Variants in ERCC6 observed in about 807,000 individuals in gnomAD.
ERCC6 encodes the protein DNA excision repair protein ERCC-6.
In ERCC6, 116 loss-of-function variants were observed where a neutral mutation model predicts 158.7. The observed-to-expected ratio is 0.73, with a 90% CI of 0.63 to 0.85. ERCC6 has a LOEUF of 0.85. Ranked by LOEUF, ERCC6 falls within the 40% of genes least tolerant of loss-of-function variation. The pLI, the probability that ERCC6 is intolerant of heterozygous loss-of-function variation, is 0.00. For synonymous variants in ERCC6, 678 were observed against 659.3 expected, an observed-to-expected ratio of 1.03 and a Z score of -0.43; for missense variants, 1,698 against 1,799.4, an observed-to-expected ratio of 0.94 and a Z score of 1.02.
chr10:49,504,201 TG>T (rs1298807234), intron 6 of ERCC6: 8 of 151,816 alleles, frequency 5.3e-5, no homozygotes. Context: ...AAAAGAAAAA[TG>T]GAGACTCTAT....
intron 10 of ERCC6, among the ~76,000 whole-genome samples, chr10:49,482,082 C>G (rs973586550): frequency 1.3e-5 from 2 of 152,210 alleles, no homozygotes; most frequent in South Asian, 2.1e-4. Context: ...GCTATGCCCC[C>G]ACAAGCATCT....
At chr10:49,491,106 T>C (rs1851167156) in intron 8 of ERCC6, among the ~76,000 whole-genome samples, 1 of 152,152 alleles carries the variant, frequency 6.6e-6, no homozygotes, top group African/African-American at 2.4e-5. Flanking sequence ...AGTAGTTGAA[T>C]CCAGAAACCA....
chr10:49,451,929 C>A (rs931760043), downstream of ERCC6, among the ~76,000 whole-genome samples: 17 of 152,122 alleles, frequency 1.1e-4, no homozygotes, highest in African/African-American at 4.1e-4. Flanking sequence ...TAGGTCTATT[C>A]AGATTGCCCA....
At chr10:49,459,343 T>G (rs1430006651) in intron 20 of ERCC6, 109 bp from the exon 21 acceptor site, 2 of 1,228,030 alleles carry the variant, frequency 1.6e-6, no homozygotes, top group Middle Eastern at 5.1e-4. Flanking sequence ...GCCAGGGTGG[T>G]GAGGTTGACA....
chr10:49,475,467 A>T, intron 12 of ERCC6: 1 of 438,054 alleles, frequency 2.3e-6, no homozygotes, highest in Non-Finnish European at 4.6e-6. Context: ...ATTCATGGAG[A>T]TGAATAGATG....
chr10:49,501,334 A>C (rs1851352124), intron 6 of ERCC6: 1 of 152,492 alleles, frequency 6.6e-6, no homozygotes, highest in Admixed American at 6.5e-5. Flanking sequence ...AAGACTCAAC[A>C]ATACAAAAGG....
chr10:49,532,840 T>G lies in ERCC6; in HGVS notation c.125A>C (p.Glu42Ala). The change falls in exon 2 of 21, where the codon GAG becomes GCG. Residue 42 changes from glutamate (E) to alanine (A), a missense_variant. Physicochemically the swap from Glu to Ala is moderately radical, Grantham distance 107 (BLOSUM62 -1). Transcript: ENST00000355832. Reference protein sequence around the residue: ...KQESGGDGEVEEYLSFRSVGD... With the variant: ...KQESGGDGEVAEYLSFRSVGD... The stretch of plus-strand genomic sequence containing the variant: ...CACAGAACGAAAGGAGAGGTACTCC[T>G]CCACCTCCCCATCACCACCACTTTC... 6.2e-7 allele frequency: 1 copy of G among 1,614,204 alleles called. No individual in the cohort carries two copies. Among genetic ancestry groups the G allele is most frequent in the East Asian group, 2.2e-5 (1 of 44,886 alleles).
chr10:49,470,163 A>G lies in ERCC6; in HGVS notation c.3778+19T>C. On this transcript the variant is annotated intron_variant, in intron 18 of 20. Coordinates refer to ENST00000355832, the MANE Select transcript of ERCC6 (RefSeq NM_000124.4). ...TTCTAATCCTAGCATCCCTGTGGCA[A>G]ACGTATCAAATGGATTACCTGATTT... 6.2e-7 allele frequency: 1 copy of G among 1,611,256 alleles called. No homozygotes were observed. The highest frequency in any genetic ancestry group is 1.1e-5 in the South Asian group (1 of 90,976).
intron 8 of ERCC6, 114 bp from the exon 9 acceptor site, chr10:49,483,630 C>A: frequency 2.0e-6 from 2 of 1,021,918 alleles, no homozygotes; most frequent in Non-Finnish European, 1.5e-6. Flanking sequence ...ATAACATGCA[C>A]AATCACAGAC....
rs1837261300 is a variant in ERCC6 at position 49,524,484 on chromosome 10, T to C, written c.946A>G (p.Lys316Glu). The C allele has an allele frequency of 6.2e-7, 1 of 1,614,108 alleles. No individual in the cohort carries two copies. Among genetic ancestry groups the C allele is most frequent in the African/African-American group, 1.3e-5 (1 of 74,938 alleles). Residue 316 changes from lysine to glutamate, a missense_variant, in exon 5 of 21, where the codon AAG (lysine) becomes GAG (glutamate). Transcript: ENST00000355832. ...TTTTTGGACAGAACTCTGGCTTTCT[T>C]GTTTGGTTTGTTTTTATTTTGCACT... ...APVQNKNKPN[K>E]KARVLSKKEE...
the ERCC6 span, among the ~76,000 whole-genome samples, chr10:49,439,324 C>A: frequency 6.6e-6 from 1 of 152,380 alleles, no homozygotes; most frequent in South Asian, 2.1e-4. Context: ...AGGCTCAACA[C>A]CATGTGGAAG....
At chr10:49,501,940 A>T (rs1851362216) in intron 6 of ERCC6, 1 of 152,312 alleles carries the variant, frequency 6.6e-6, no homozygotes, top group Admixed American at 6.5e-5. Context: ...AAACTGGGCA[A>T]CAGAGTGAGA....
chr10:49,506,142 T>TA (rs1376743201), intron 5 of ERCC6, 130 bp from the exon 6 acceptor site: 7 of 941,606 alleles, frequency 7.4e-6, no homozygotes, highest in Admixed American at 5.9e-5. Context: ...CTGCCATTAT[T>TA]ACCCAAAACA....
At position 49,524,188 on chromosome 10, in the gene ERCC6, C is replaced by T. The variant is rs1564442145; in HGVS notation, c.1242G>A (p.Gln414=). 1 of 1,614,212 alleles carries T rather than the reference C, an allele frequency of 6.2e-7. No homozygotes were observed. ...CAATCTCCTGCACTGGCACTTTCTT[C>T]TGCCGTTTCCCGCCCTTGGGCAGAG... The part of the protein sequence containing the change: ...LKPLPKGGKR[Q]KKVPVQEIDD... The change falls in exon 5 of 21, where the codon CAG becomes CAA. Residue 414 remains glutamine (Q), a synonymous_variant. Transcript: ENST00000355832.
In ERCC6 at chr10:49,482,823, A is replaced by G. The variant is rs777797420; in HGVS notation, c.2033T>C (p.Met678Thr). 3.1e-6 allele frequency: 5 copies of G among 1,614,168 alleles called. No homozygotes were observed. Among genetic ancestry groups the G allele is most frequent in the Non-Finnish European group, 3.4e-6 (4 of 1,180,016 alleles). ...CCACAGCTCTCGGAGGTTATTTTGC[A>G]TCGGTGAGCCAGACAGAATGATCCG... The part of the protein sequence containing the change: ...PHRIILSGSP[M>T]QNNLRELWSL... Residue 678 changes from methionine to threonine, a missense_variant, in exon 10 of 21, where the codon ATG (methionine) becomes ACG (threonine). By Grantham distance (81) the Met-to-Thr change is moderately conservative (BLOSUM62 -1). Coordinates refer to ENST00000355832, the MANE Select transcript of ERCC6 (RefSeq NM_000124.4).
intron 2 of ERCC6, 127 bp downstream of exon 2, chr10:49,532,400 GGACTGCCCTTATTGAC>G: frequency 7.7e-7 from 1 of 1,301,426 alleles, no homozygotes; most frequent in African/African-American, 1.5e-5. Context: ...ATGAGGTTGA[GGACTGCCCTTATTGAC>G]TCTGTCCTCC....
chr10:49,477,271 C>T (rs1427009109), intron 11 of ERCC6, among the ~76,000 whole-genome samples: 1 of 152,186 alleles, frequency 6.6e-6, no homozygotes, highest in Non-Finnish European at 1.5e-5. Flanking sequence ...ACTTCTGCAT[C>T]CACCTCATTT....
rs576897572 is a variant in ERCC6 at position 49,472,810 on chromosome 10, T to A, written c.2829+99A>T. ...GGAGACAATCAAAATGTGAAACGTA[T>A]GCTGAAGCCAACCAGAACATCAAAG... On this transcript the variant is annotated intron_variant, in intron 15 of 20. Transcript: ENST00000355832. 9.0e-6 allele frequency: 13 copies of A among 1,445,740 alleles called. No homozygotes were observed. The South Asian group carries it at 1.5e-4, about 17-fold the overall frequency. The allele number at this position is 1,445,740 out of a possible 1,614,324, so 89.6% of individuals were successfully genotyped here.
the ERCC6 span, among the ~76,000 whole-genome samples, chr10:49,440,612 A>G: frequency 6.6e-6 from 1 of 152,254 alleles, no homozygotes; most frequent in Non-Finnish European, 1.5e-5. Flanking sequence ...ATTTTGCTTA[A>G]TATCTTGGTA....
Sources: allele counts gnomAD v4.1 joint callset (sites outside exome capture counted in the v4.1 genomes callset), GRCh38; gene constraint gnomAD v4.1.1; transcripts MANE v1.5; gene names NCBI Gene and HGNC (gene_info 2026-07-23, HGNC 2026-07-21).